The following KLHL13 variants were observed in gnomAD, a reference collection of about 807,000 sequenced individuals.
KLHL13 encodes kelch-like protein 13.
In KLHL13, 10 loss-of-function variants were observed where a neutral mutation model predicts 37.1. That is an observed-to-expected ratio of 0.27 (90% CI 0.17 to 0.46). The LOEUF (loss-of-function observed/expected upper bound fraction) is 0.46. KLHL13 is among the 20% of genes least tolerant of loss of function. KLHL13 has a pLI of 1.00. For synonymous variants in KLHL13, 163 were observed against 181.2 expected (o/e 0.90, Z 0.81); for missense variants, 360 against 509.3 (o/e 0.71, Z 2.82).
Position 118,024,472 on chromosome X carries a change from T to C in KLHL13, c.-55-78897A>G, listed in dbSNP as rs139788571. ...AATACCAGAATTCGAGGGTAAGCCA[T>C]GGACTGGAAGGAAATATTCACAGTA... is the stretch of plus-strand genomic sequence containing the variant. On this transcript the variant is annotated intron_variant, in intron 1 of 6. Transcript: ENST00000371882. 9.3e-3 allele frequency among the ~76,000 whole-genome samples: 1,042 copies of C among 111,854 alleles called. 17 individuals carry two copies. Among genetic ancestry groups the C allele is most frequent in the African/African-American group, 0.031 (967 of 30,808 alleles).
At chrX:117,927,075 T>A (rs1932101250) in intron 2 of KLHL13, among the ~76,000 whole-genome samples, 1 of 107,827 alleles carries the variant, frequency 9.3e-6, no homozygotes, top group Non-Finnish European at 1.9e-5. Context: ...CCGGCTAATT[T>A]GTAGTTTTAG....
At chrX:117,937,322 T>C (rs1280911515) in intron 2 of KLHL13, among the ~76,000 whole-genome samples, 1 of 111,321 alleles carries the variant, frequency 9.0e-6, no homozygotes, top group Non-Finnish European at 1.9e-5. Flanking sequence ...TAGAGTGGTA[T>C]CTCTATGGTA....
chrX:117,944,731 T>A (rs1933235996), intron 2 of KLHL13, among the ~76,000 whole-genome samples: 2 of 111,701 alleles, frequency 1.8e-5, no homozygotes, highest in Non-Finnish European at 3.8e-5. Context: ...TGCTCTCTAA[T>A]TCAGCAATGC....
At chrX:118,020,750 T>C (rs1286904670) in intron 1 of KLHL13, among the ~76,000 whole-genome samples, 48 of 110,052 alleles carry the variant, frequency 4.4e-4, no homozygotes, top group African/African-American at 1.5e-3. Flanking sequence ...CCCAAATGTC[T>C]AACAATGATA....
intron 1 of KLHL13, among the ~76,000 whole-genome samples, chrX:118,022,668 C>G (rs2054231334): frequency 8.9e-6 from 1 of 112,037 alleles, no homozygotes; most frequent in Non-Finnish European, 1.9e-5. Flanking sequence ...GTCCTTTGCT[C>G]ATTTTTAAGT....
At chrX:118,071,627 A>C (rs1176262015) in intron 1 of KLHL13, among the ~76,000 whole-genome samples, 1 of 111,084 alleles carries the variant, frequency 9.0e-6, no homozygotes. Context: ...CAACTTCAGC[A>C]AAGTCTCAGG....
At chrX:118,104,723 A>T in intron 1 of KLHL13, among the ~76,000 whole-genome samples, 1 of 112,006 alleles carries the variant, frequency 8.9e-6, no homozygotes, top group Admixed American at 9.5e-5. Flanking sequence ...GACAAGCAGT[A>T]GTACCAACAG....
intron 1 of KLHL13, among the ~76,000 whole-genome samples, chrX:118,107,687 T>C (rs950630110): frequency 1.8e-5 from 2 of 111,619 alleles, no homozygotes; most frequent in Non-Finnish European, 3.8e-5. Context: ...CAAAAGGCAG[T>C]CAGGATTTGA....
chrX:117,972,929 G>C (rs542479811), exon 1 of KLHL13: 16 of 1,113,807 alleles, frequency 1.4e-5, no homozygotes, highest in Non-Finnish European at 1.4e-5. Context: ...AGTGGCTGCC[G>C]CGGAGAACAA....
chrX:117,905,297 C>T (rs367755315), intron 5 of KLHL13, among the ~76,000 whole-genome samples: 1 of 112,102 alleles, frequency 8.9e-6, no homozygotes, highest in Non-Finnish European at 1.9e-5. Flanking sequence ...TCATAATCTT[C>T]TTCAATATAG....
chrX:117,960,644 T>G (rs1218063937), intron 1 of KLHL13, among the ~76,000 whole-genome samples: 4 of 112,455 alleles, frequency 3.6e-5, no homozygotes, highest in African/African-American at 1.3e-4. Context: ...TCCAGAGACA[T>G]GCAAAGACCT....
intron 1 of KLHL13, among the ~76,000 whole-genome samples, chrX:118,019,633 G>C (rs1411155656): frequency 9.0e-6 from 1 of 111,113 alleles, no homozygotes; most frequent in Admixed American, 9.6e-5. Context: ...TAGGTCTAAC[G>C]TTTAAGTCTT....
chrX:117,977,734 A>G (rs2147917426), upstream of KLHL13, among the ~76,000 whole-genome samples: 1 of 112,501 alleles, frequency 8.9e-6, no homozygotes, highest in South Asian at 3.7e-4. Flanking sequence ...TGTTCCACCA[A>G]TCAGTAAAAG....
intron 1 of KLHL13, among the ~76,000 whole-genome samples, chrX:118,073,038 G>A (rs923198706): frequency 1.8e-4 from 19 of 108,021 alleles, no homozygotes; most frequent in African/African-American, 5.8e-4. Flanking sequence ...AGGCTTCAGC[G>A]AACCAAGACT....
rs186100180 is a variant in KLHL13, at chrX:117,970,868, G to A, written c.98+1863C>T. Among the ~76,000 whole-genome samples, 4 of 111,715 alleles carry A rather than the reference G, an allele frequency of 3.6e-5. No homozygotes were observed. In the East Asian group the frequency reaches 1.1e-3, roughly 31 times the overall value. ...ATTCAATAATATAGAGTGTTGTAAT[G>A]TCAAAATAGTCTGTTACAATGTCAA... On this transcript the variant is annotated intron_variant, in intron 1 of 6. Transcript: ENST00000262820.
At chrX:117,919,928 T>C (rs1214200691) in intron 3 of KLHL13, among the ~76,000 whole-genome samples, 1 of 107,898 alleles carries the variant, frequency 9.3e-6, no homozygotes. Flanking sequence ...ATGCAAGTGC[T>C]TCCAAAATGT....
chrX:118,091,141 G>A (rs1376041750), intron 1 of KLHL13, among the ~76,000 whole-genome samples: 1 of 70,779 alleles, frequency 1.4e-5, no homozygotes, highest in Non-Finnish European at 2.5e-5. Flanking sequence ...GGTGGGGGGA[G>A]GGGGGAGGGA....
intron 1 of KLHL13, among the ~76,000 whole-genome samples, chrX:117,961,686 GA>G (rs2053299562): frequency 9.0e-6 from 1 of 111,148 alleles, no homozygotes; most frequent in Non-Finnish European, 1.9e-5. Context: ...TGGCCTTAAC[GA>G]GGGAGGAATG....
chrX:118,093,144 A>G (rs183582817), intron 1 of KLHL13, among the ~76,000 whole-genome samples: 72 of 111,854 alleles, frequency 6.4e-4, no homozygotes, highest in African/African-American at 2.2e-3. Context: ...TAACAATTAC[A>G]TTGCTAATTT....
Sources: allele counts gnomAD v4.1 joint callset (sites outside exome capture counted in the v4.1 genomes callset), GRCh38; gene constraint gnomAD v4.1.1; transcripts MANE v1.5; gene names NCBI Gene and HGNC (gene_info 2026-07-23, HGNC 2026-07-21).